LAIR1: variants seen among roughly 807,000 people sequenced by gnomAD.
LAIR1 encodes leukocyte associated immunoglobulin like receptor 1.
Under a neutral mutation model 32.8 loss-of-function variants are expected in LAIR1, and 24 were observed. The observed-to-expected ratio is 0.73, with a 90% CI of 0.53 to 1.03. The LOEUF is 1.03. Ranked by LOEUF, LAIR1 falls within the 50% of genes least tolerant of loss-of-function variation. LAIR1 has a pLI of 0.00. For missense variants in LAIR1, 355 were observed against 347.5 expected (o/e 1.02, Z -0.17); for synonymous variants, 150 against 140.5 (o/e 1.07, Z -0.48).
chr19:54,357,295 C>T (rs866789361), intron 4 of LAIR1: 1 of 287,226 alleles, frequency 3.5e-6, no homozygotes, highest in Non-Finnish European at 6.5e-6. Flanking sequence ...AGATACAGCG[C>T]GTTTCCTGGG....
chr19:54,367,417 T>C (rs1282805870), upstream of LAIR1, among the ~76,000 whole-genome samples: 2 of 152,112 alleles, frequency 1.3e-5, no homozygotes, highest in African/African-American at 4.8e-5. Flanking sequence ...AAAATAACAA[T>C]AAACCAACTA....
At chr19:54,363,166 G>A (rs543038655) in intron 2 of LAIR1, among the ~76,000 whole-genome samples, 28 of 146,698 alleles carry the variant, frequency 1.9e-4, no homozygotes, top group African/African-American at 6.2e-4. Context: ...AGGCAGCAGT[G>A]GCATGGACAG....
In LAIR1 at chr19:54,360,878, G is replaced by A. The variant is rs114226105; in HGVS notation, c.364+38C>T. 3.6e-3 allele frequency: 5,730 copies of A among 1,586,788 alleles called. 173 individuals carry two copies. In the African/African-American group the frequency reaches 0.061, roughly 17 times the overall value. ...GGACCTGGGGACAAGCTCGAGGGTC[G>A]AGCTGAGACTGGGGCAGGGCCCAGG... On this transcript the variant is annotated intron_variant, in intron 3 of 9. Transcript: ENST00000391742.
chr19:54,368,148 C>A (rs1408375575), upstream of LAIR1: 1 of 151,944 alleles, frequency 6.6e-6, no homozygotes, highest in Non-Finnish European at 1.5e-5. Context: ...AGATGGAGTC[C>A]CCAGCCTCAA....
chr19:54,360,955 A>G lies in LAIR1; in HGVS notation c.325T>C (p.Trp109Arg). 1 of 1,614,170 alleles carries G rather than the reference A, an allele frequency of 6.2e-7. No homozygotes were observed. Among genetic ancestry groups the G allele is most frequent in the Non-Finnish European group, 8.5e-7 (1 of 1,180,028 alleles). Residue 109 changes from tryptophan to arginine, a missense_variant, in exon 3 of 10, where the codon TGG (tryptophan) becomes CGG (arginine). Trp to Arg is a moderately radical substitution (Grantham distance 101). Coordinates refer to ENST00000391742, the MANE Select transcript of LAIR1 (RefSeq NM_002287.6). ...YRCIYYKPPK[W>R]SEQSDYLELL... Reference sequence around the variant, plus strand: ...TCCAGGTAGTCACTCTGCTCAGACCATTTAGGGGGCTTATAATAGATGCAG... The same window carrying G: ...TCCAGGTAGTCACTCTGCTCAGACCGTTTAGGGGGCTTATAATAGATGCAG...
intron 4 of LAIR1, among the ~76,000 whole-genome samples, chr19:54,359,672 C>T (rs1196675046): frequency 6.6e-6 from 1 of 152,250 alleles, no homozygotes; most frequent in Non-Finnish European, 1.5e-5. Context: ...GGTGGGTGGC[C>T]CCTGCCCCTT....
chr19:54,373,714 C>T (rs1025751340), upstream of LAIR1, among the ~76,000 whole-genome samples: 16 of 152,134 alleles, frequency 1.1e-4, no homozygotes, highest in East Asian at 7.7e-4. Context: ...TGCAGTGAGC[C>T]GAGATCGCAC....
In LAIR1 at chr19:54,354,906, G is replaced by A. The variant is rs576731262; in HGVS notation, c.*362C>T. ...AGGTGGCATCACTGCTCAGGAAATC[G>A]GCTGATTGGCTGTAGCTGGGCCTTT... On this transcript the variant is annotated 3_prime_UTR_variant, in exon 10 of 10. Coordinates refer to ENST00000391742, the MANE Select transcript of LAIR1 (RefSeq NM_002287.6). 103 of 205,008 alleles carry A rather than the reference G, an allele frequency of 5.0e-4. No homozygotes were observed. The highest frequency in any genetic ancestry group is 2.2e-3 in the African/African-American group (97 of 43,510). The allele number at this position is 205,008 out of a possible 1,614,324, so 12.7% of individuals were successfully genotyped here. A position where few individuals can be genotyped will look rare whatever the true frequency, so the allele number is the denominator to read the frequency against.
upstream of LAIR1, among the ~76,000 whole-genome samples, chr19:54,370,942 G>A (rs1414074791): frequency 6.7e-6 from 1 of 150,248 alleles, no homozygotes; most frequent in African/African-American, 2.5e-5. Flanking sequence ...AATGCTACAC[G>A]TCGGGGTTGT....
rs62132211 is a variant in LAIR1 at position 54,364,274 on chromosome 19, T to C, written c.70+21A>G. 1,302,101 of 1,590,926 alleles carry C rather than the reference T, an allele frequency of 0.82. 535,664 individuals are homozygous for C. The highest frequency in any genetic ancestry group is 0.95 in the East Asian group (42,456 of 44,750). On this transcript the variant is annotated intron_variant, in intron 2 of 9. Coordinates refer to ENST00000391742, the MANE Select transcript of LAIR1 (RefSeq NM_002287.6). The surrounding 1 kb of genome is among the most constrained non-coding windows in gnomAD (Gnocchi z 4.8). ...GGGGTGACAGAGGGGACTGGGAAGATGGGACGAAGGCATGACTTACCCTCC... is the reference window on the plus strand; with the variant it reads ...GGGGTGACAGAGGGGACTGGGAAGACGGGACGAAGGCATGACTTACCCTCC...
upstream of LAIR1, among the ~76,000 whole-genome samples, chr19:54,373,306 T>C (rs369425057): frequency 6.6e-6 from 1 of 151,204 alleles, no homozygotes; most frequent in East Asian, 2.0e-4. Flanking sequence ...TAGCTGGGCG[T>C]GGTGGCGGGC....
Position 54,356,342 on chromosome 19 carries a change from C to G in LAIR1, c.626+14G>C. The stretch of plus-strand genomic sequence containing the variant: ...ACTGGGTGGAGGTCCAGGAGTCATT[C>G]CCAGGGGCCTCACCTCTGCTGTGGC... On this transcript the variant is annotated intron_variant, in intron 7 of 9. Coordinates refer to ENST00000391742, the MANE Select transcript of LAIR1 (RefSeq NM_002287.6). 1 of 1,597,314 alleles carries G rather than the reference C, an allele frequency of 6.3e-7. No homozygotes were observed. Among genetic ancestry groups the G allele is most frequent in the South Asian group, 1.1e-5 (1 of 88,234 alleles).
upstream of LAIR1, among the ~76,000 whole-genome samples, chr19:54,367,778 T>A (rs1201600569): frequency 6.8e-6 from 1 of 147,480 alleles, no homozygotes; most frequent in Non-Finnish European, 1.5e-5. Context: ...TTTTTTTTTT[T>A]TTTTTGAGAC....
At chr19:54,369,373 T>C (rs1569210716), upstream of LAIR1, among the ~76,000 whole-genome samples, 1 of 151,450 alleles carries the variant, frequency 6.6e-6, no homozygotes, top group Non-Finnish European at 1.5e-5. Flanking sequence ...AAGGATGTGC[T>C]GCCCACTGGG....
At chr19:54,372,149 T>G (rs1305276930), upstream of LAIR1, among the ~76,000 whole-genome samples, 3 of 151,720 alleles carry the variant, frequency 2.0e-5, no homozygotes, top group Non-Finnish European at 4.4e-5. Context: ...TATCAAGGAA[T>G]GCAATTGCTG....
intron 5 of LAIR1, 133 bp downstream of exon 5, chr19:54,356,795 G>A (rs1181362892): frequency 3.2e-6 from 4 of 1,264,416 alleles, no homozygotes; most frequent in Non-Finnish European, 4.5e-6. Context: ...GGTCCTGAGT[G>A]CTGGAGTCCT....
chr19:54,367,955 G>A (rs1247509302), upstream of LAIR1, among the ~76,000 whole-genome samples: 1 of 150,784 alleles, frequency 6.6e-6, no homozygotes, highest in Non-Finnish European at 1.5e-5. Flanking sequence ...TGTATTTTTA[G>A]TAGAGACGGG....
At chr19:54,358,425 TATATA>T (rs1460467068) in intron 4 of LAIR1, 26 of 386,556 alleles carry the variant, frequency 6.7e-5, no homozygotes, top group Non-Finnish European at 1.0e-4. Flanking sequence ...GATGTAAACA[TATATA>T]ATATAATTTA....
rs2082016641 is a variant in LAIR1, at chr19:54,361,379, A to T, written c.71-170T>A. On this transcript the variant is annotated intron_variant, in intron 2 of 9. Coordinates refer to ENST00000391742, the MANE Select transcript of LAIR1 (RefSeq NM_002287.6). ...CACGCCTCCTGCACCTTCTACGTGC[A>T]TGTGATTCTCATCACTGCAGAGTTT... is the stretch of plus-strand genomic sequence containing the variant. The T allele has an allele frequency of 7.0e-6, 5 of 715,926 alleles. No individual in the cohort carries two copies. In the South Asian group the frequency reaches 8.5e-5, roughly 12 times the overall value. The allele number at this position is 715,926 out of a possible 1,614,324, so 44.3% of individuals were successfully genotyped here.
Sources: allele counts gnomAD v4.1 joint callset (sites outside exome capture counted in the v4.1 genomes callset), GRCh38; gene constraint gnomAD v4.1.1; non-coding constraint Gnocchi (gnomAD v3.1); transcripts MANE v1.5; gene names NCBI Gene and HGNC (gene_info 2026-07-23, HGNC 2026-07-21).